The following ADCY3 variants were observed in gnomAD, a reference collection of about 807,000 sequenced individuals.
The protein encoded by ADCY3 is adenylate cyclase type 3.
A neutral mutation model predicts 119.4 loss-of-function variants in ADCY3; 70 were observed. The ratio of observed to expected loss-of-function variants is 0.59; its 90% CI spans 0.48 to 0.72. ADCY3 has a LOEUF of 0.72. ADCY3 is among the 30% of genes least tolerant of loss of function. The pLI, the probability that ADCY3 is intolerant of heterozygous loss-of-function variation, is 0.00. For missense variants in ADCY3, 1,238 were observed against 1,541.6 expected, an observed-to-expected ratio of 0.80 and a Z score of 3.30; for synonymous variants, 672 against 621.4, an observed-to-expected ratio of 1.08 and a Z score of -1.21.
Position 24,830,826 on chromosome 2 carries a change from C to T in ADCY3, c.2056-1G>A. The T allele has an allele frequency of 6.2e-7, 1 of 1,611,980 alleles. No homozygotes were observed. The highest frequency in any genetic ancestry group is 8.5e-7 in the Non-Finnish European group (1 of 1,178,484). On this transcript the variant is annotated splice_acceptor_variant, in intron 12 of 21. Transcript: ENST00000679454. LOFTEE classifies it high-confidence loss of function. Reference sequence around the variant, plus strand: ...AGGCCACAAGCTTCTTAGGAAAGGCCTAGAAGGAACAGAATTTCAAGGGCC... The same window carrying T: ...AGGCCACAAGCTTCTTAGGAAAGGCTTAGAAGGAACAGAATTTCAAGGGCC...
intron 2 of ADCY3, chr2:24,877,926 C>T (rs1437141348): frequency 2.1e-6 from 1 of 471,082 alleles, no homozygotes; most frequent in Non-Finnish European, 4.4e-6. Context: ...ACTCACCAAA[C>T]CCATGAGGTT....
At chr2:24,893,949 A>G (rs1271872978) in intron 2 of ADCY3, among the ~76,000 whole-genome samples, 1 of 152,202 alleles carries the variant, frequency 6.6e-6, no homozygotes, top group African/African-American at 2.4e-5. Context: ...AATATTATCA[A>G]TATGGCTATA....
At chr2:24,863,794 G>A (rs1284962279) in intron 3 of ADCY3, among the ~76,000 whole-genome samples, 1 of 152,218 alleles carries the variant, frequency 6.6e-6, no homozygotes, top group African/African-American at 2.4e-5. Flanking sequence ...TGTGGCTTGA[G>A]CCAAATGAGG....
chr2:24,834,380 G>T lies in ADCY3; in HGVS notation c.1967+105C>A. 7.3e-7 allele frequency: 1 copy of T among 1,378,392 alleles called. No homozygotes were observed. The highest frequency in any genetic ancestry group is 9.8e-7 in the Non-Finnish European group (1 of 1,023,218). The allele number at this position is 1,378,392 out of a possible 1,614,324, so 85.4% of individuals were successfully genotyped here. On this transcript the variant is annotated intron_variant, in intron 11 of 21. Coordinates refer to ENST00000679454, the MANE Select transcript of ADCY3 (RefSeq NM_004036.5). This position sits in a 1 kb window ranked among gnomAD's most constrained non-coding sequence, Gnocchi z 4.2. The stretch of plus-strand genomic sequence containing the variant: ...AGTGGGGGTCAGGGAGCAGAGACTG[G>T]CTTGCTCCCCAATGTCAGGCTCCCG...
At position 24,834,707 on chromosome 2, in the gene ADCY3, G is replaced by A. The variant is rs148610566; in HGVS notation, c.1806-61C>T. The stretch of plus-strand genomic sequence containing the variant: ...CACATCTGCCTTGGCCTAGCAGGGG[G>A]GCCGTATTTGGGATGCTCAGTTTCC... On this transcript the variant is annotated intron_variant, in intron 10 of 21. Coordinates refer to ENST00000679454, the MANE Select transcript of ADCY3 (RefSeq NM_004036.5). This position sits in a 1 kb window ranked among gnomAD's most constrained non-coding sequence, Gnocchi z 4.2. 2.3e-4 allele frequency: 369 copies of A among 1,603,422 alleles called. 1 individual carries two copies. In the African/African-American group the frequency reaches 4.3e-3, roughly 19 times the overall value.
At chr2:24,875,367 G>A (rs1675559951) in intron 2 of ADCY3, among the ~76,000 whole-genome samples, 2 of 150,896 alleles carry the variant, frequency 1.3e-5, no homozygotes, top group Non-Finnish European at 3.0e-5. Flanking sequence ...CCCACCCCCC[G>A]TGGGTGTAGC....
intron 18 of ADCY3, 119 bp from the exon 19 acceptor site, chr2:24,822,749 A>C (rs986398083): frequency 1.5e-6 from 2 of 1,360,074 alleles, no homozygotes; most frequent in East Asian, 2.5e-5. Flanking sequence ...TTTCCTATCA[A>C]AGTTGTTACT....
rs1675091488 is a variant in ADCY3, at chr2:24,872,119, T to C, written c.825+451A>G. On this transcript the variant is annotated intron_variant, in intron 3 of 21. Transcript: ENST00000679454. The surrounding 1 kb of genome is among the most constrained non-coding windows in gnomAD (Gnocchi z 4.4). ...AGGCCCCACCCACGGCATGAGCAGG[T>C]GCACAGGGTGGATCTGCGGTTGGAC... Among the ~76,000 whole-genome samples, 1 of 152,216 alleles carries C rather than the reference T, an allele frequency of 6.6e-6. No individual in the cohort carries two copies. The highest frequency in any genetic ancestry group is 2.4e-5 in the African/African-American group (1 of 41,540).
chr2:24,859,400 G>A (rs764617812), intron 3 of ADCY3, among the ~76,000 whole-genome samples: 14 of 152,174 alleles, frequency 9.2e-5, no homozygotes, highest in Admixed American at 3.3e-4. Context: ...GGATAACAGT[G>A]GCATGGTGGG....
intron 2 of ADCY3, among the ~76,000 whole-genome samples, chr2:24,892,473 G>A (rs1334488533): frequency 2.0e-5 from 3 of 152,160 alleles, no homozygotes; most frequent in East Asian, 1.9e-4. Context: ...GGATGGTCTC[G>A]ATCTCCTGAC....
chr2:24,905,058 T>C (rs1359793408), intron 2 of ADCY3, among the ~76,000 whole-genome samples: 3 of 152,130 alleles, frequency 2.0e-5, no homozygotes, highest in African/African-American at 7.2e-5. Context: ...ATGATCACTA[T>C]AGAGAGATGG....
intron 9 of ADCY3, among the ~76,000 whole-genome samples, chr2:24,835,505 C>A (rs1670179257): frequency 1.3e-5 from 2 of 152,254 alleles, no homozygotes; most frequent in South Asian, 4.1e-4. Context: ...CCCTTTTATT[C>A]CCAGTTCCAA....
Position 24,839,050 on chromosome 2 carries a change from C to T in ADCY3, c.1356-428G>A, listed in dbSNP as rs1030701623. 7.2e-6 allele frequency: 3 copies of T among 417,548 alleles called. No homozygotes were observed. In the Admixed American group the frequency reaches 1.0e-4, roughly 14 times the overall value. The allele number at this position is 417,548 out of a possible 1,614,324, so 25.9% of individuals were successfully genotyped here. On this transcript the variant is annotated intron_variant, in intron 7 of 21. Coordinates refer to ENST00000679454, the MANE Select transcript of ADCY3 (RefSeq NM_004036.5). Reference sequence around the variant, plus strand: ...CTCTGCCTCCCGGGTTCAAGCAATTCTCCTGCCTCAGCCTCCAGAGTAGCT... The same window carrying T: ...CTCTGCCTCCCGGGTTCAAGCAATTTTCCTGCCTCAGCCTCCAGAGTAGCT...
intron 2 of ADCY3, among the ~76,000 whole-genome samples, chr2:24,901,026 T>C (rs138830369): frequency 1.4e-3 from 212 of 152,058 alleles, no homozygotes; most frequent in Admixed American, 2.8e-3. Context: ...GATCATGCCA[T>C]TGCACTCCAG....
At chr2:24,829,930 A>T (rs1669233664) in intron 13 of ADCY3, among the ~76,000 whole-genome samples, 1 of 151,468 alleles carries the variant, frequency 6.6e-6, no homozygotes, top group Non-Finnish European at 1.5e-5. Context: ...TTTCCCCAAG[A>T]AAGCATTTGG....
chr2:24,855,377 C>A (rs1473747298), intron 3 of ADCY3, among the ~76,000 whole-genome samples: 2 of 152,192 alleles, frequency 1.3e-5, no homozygotes, highest in Admixed American at 1.3e-4. Context: ...AAAGAATGTG[C>A]TGCCCTGAGA....
chr2:24,837,649 A>C (rs1272753019), intron 8 of ADCY3, among the ~76,000 whole-genome samples: 1 of 152,194 alleles, frequency 6.6e-6, no homozygotes, highest in Non-Finnish European at 1.5e-5. Context: ...AACTGGAGGA[A>C]AGGGTTTTGA....
At chr2:24,848,033 C>T (rs1671854038) in intron 3 of ADCY3, among the ~76,000 whole-genome samples, 1 of 152,236 alleles carries the variant, frequency 6.6e-6, no homozygotes, top group Admixed American at 6.5e-5. Flanking sequence ...GCCCCCAGCC[C>T]TGCCTGCACT....
rs749500108 is a variant in ADCY3 at position 24,838,431 on chromosome 2, G to A, written c.1533+14C>T. 8.1e-6 allele frequency: 13 copies of A among 1,598,818 alleles called. No individual in the cohort carries two copies. The highest frequency in any genetic ancestry group is 3.3e-5 in the South Asian group (3 of 90,038). ...GGGGTGGGTGGGGTGGGTGGGGTGG[G>A]GTGGGGAACTCACCGAGCCATTGAG... is the stretch of plus-strand genomic sequence containing the variant. On this transcript the variant is annotated intron_variant, in intron 8 of 21. Coordinates refer to ENST00000679454, the MANE Select transcript of ADCY3 (RefSeq NM_004036.5).
Sources: allele counts gnomAD v4.1 joint callset (sites outside exome capture counted in the v4.1 genomes callset), GRCh38; gene constraint gnomAD v4.1.1; non-coding constraint Gnocchi (gnomAD v3.1); transcripts MANE v1.5; gene names NCBI Gene and HGNC (gene_info 2026-07-23, HGNC 2026-07-21).